The following UVRAG variants were observed in gnomAD, a reference collection of about 807,000 sequenced individuals.
UVRAG encodes UV radiation resistance associated.
In UVRAG, 19 loss-of-function variants were observed where a neutral mutation model predicts 78.0. That is an observed-to-expected ratio of 0.24 (90% CI 0.17 to 0.36). UVRAG has a LOEUF of 0.36. Among genes scored for constraint, UVRAG ranks in the 10% least tolerant of loss-of-function variants. UVRAG has a pLI of 1.00. For missense variants in UVRAG, 740 were observed against 853.8 expected (o/e 0.87, Z 1.66); for synonymous variants, 323 against 324.6 (o/e 1.00, Z 0.05).
At chr11:75,985,092 C>G (rs1949472231) in intron 8 of UVRAG, among the ~76,000 whole-genome samples, 1 of 151,758 alleles carries the variant, frequency 6.6e-6, no homozygotes, top group African/African-American at 2.4e-5. Flanking sequence ...TATGATTGTG[C>G]CAGTTTATCT....
In UVRAG at chr11:76,140,821, A is replaced by C; in HGVS notation, c.1508A>C (p.His503Pro). The C allele has an allele frequency of 2.5e-6, 4 of 1,614,176 alleles. No homozygotes were observed. The East Asian group carries it at 6.7e-5, about 27-fold the overall frequency. ...GGGATCCCTTCACCAGACAAAGGAC[A>C]TCGAAAACGGGCCAGCTCTGAGAAT... ...SGGIPSPDKG[H>P]RKRASSENER... The change falls in exon 15 of 15, where the codon CAT becomes CCT. Residue 503 changes from histidine to proline, a missense_variant. By Grantham distance (77) the His-to-Pro change is moderately conservative (BLOSUM62 -2). Coordinates refer to ENST00000356136, the MANE Select transcript of UVRAG (RefSeq NM_003369.4).
At position 75,898,754 on chromosome 11, in the gene UVRAG, G is replaced by T. The variant is rs553249781; in HGVS notation, c.507+9851G>T. 2.0e-5 allele frequency among the ~76,000 whole-genome samples: 3 copies of T among 152,194 alleles called. No individual in the cohort carries two copies. In the South Asian group the frequency reaches 6.2e-4, roughly 32 times the overall value. ...TCTCCTTTAACTTATAGCGTCTTAG[G>T]GGGGCAAGTAGTAGTATTTTCATTT... On this transcript the variant is annotated intron_variant, in intron 5 of 14. Coordinates refer to ENST00000356136, the MANE Select transcript of UVRAG (RefSeq NM_003369.4).
intron 5 of UVRAG, among the ~76,000 whole-genome samples, chr11:75,892,633 A>G (rs1012315856): frequency 1.3e-5 from 2 of 152,160 alleles, no homozygotes; most frequent in African/African-American, 4.8e-5. Context: ...TATGATCGTA[A>G]TTAGTGGTGT....
chr11:75,860,729 A>G (rs1946399997), intron 2 of UVRAG, among the ~76,000 whole-genome samples: 1 of 152,154 alleles, frequency 6.6e-6, no homozygotes, highest in Non-Finnish European at 1.5e-5. Context: ...TGTATGTAAC[A>G]ATTTGGCAAT....
chr11:75,994,070 G>A (rs1161358519), intron 8 of UVRAG, among the ~76,000 whole-genome samples: 4 of 152,110 alleles, frequency 2.6e-5, no homozygotes, highest in Non-Finnish European at 5.9e-5. Flanking sequence ...CAACATTGAG[G>A]ATCACATTTC....
intron 3 of UVRAG, among the ~76,000 whole-genome samples, chr11:75,867,033 A>G (rs1024275315): frequency 1.3e-5 from 2 of 152,146 alleles, no homozygotes; most frequent in African/African-American, 4.8e-5. Flanking sequence ...GCAATAAAAT[A>G]TTTACTTCCT....
In UVRAG at chr11:76,141,264, G is replaced by A. The variant is rs1413885641; in HGVS notation, c.1951G>A (p.Ala651Thr). 1 of 1,614,246 alleles carries A rather than the reference G, an allele frequency of 6.2e-7. No homozygotes were observed. Among genetic ancestry groups the A allele is most frequent in the Admixed American group, 1.7e-5 (1 of 60,028 alleles). ...TGFASGDQLEAFNCIPVDSAV... is the reference protein window; with the variant it reads ...TGFASGDQLETFNCIPVDSAV... ...TTTCGCCTCAGGTGATCAGCTAGAA[G>A]CATTTAACTGCATCCCAGTGGACAG... Residue 651 changes from alanine to threonine, a missense_variant, in exon 15 of 15, where the codon GCA becomes ACA. By Grantham distance (58) the Ala-to-Thr change is moderately conservative (BLOSUM62 0). Transcript: ENST00000356136.
chr11:75,846,522 G>T (rs548522930), intron 1 of UVRAG, among the ~76,000 whole-genome samples: 7 of 151,644 alleles, frequency 4.6e-5, no homozygotes, highest in Non-Finnish European at 1.0e-4. Context: ...TTATAGTTTT[G>T]CATTTTCACT....
rs757787963 is a variant in UVRAG, at chr11:76,007,521, C to CT, written c.912-10dup. 11 of 1,592,140 alleles carry CT rather than the reference C, an allele frequency of 6.9e-6. No homozygotes were observed. The African/African-American group carries it at 1.5e-4, about 22-fold the overall frequency. On this transcript the variant is annotated splice_polypyrimidine_tract_variant and intron_variant, in intron 9 of 14. Coordinates refer to ENST00000356136, the MANE Select transcript of UVRAG (RefSeq NM_003369.4). The stretch of plus-strand genomic sequence containing the variant: ...ATATTTTTTAATAAATGTATTTTTT[C>CT]TTTCCTCATTAGAGAACTCTTCTTG...
At chr11:76,039,719 A>G (rs1365838323) in intron 12 of UVRAG, among the ~76,000 whole-genome samples, 1 of 152,164 alleles carries the variant, frequency 6.6e-6, no homozygotes, top group African/African-American at 2.4e-5. Context: ...TACTAAAAAC[A>G]CAAAAATTAG....
intron 13 of UVRAG, among the ~76,000 whole-genome samples, chr11:76,072,024 T>C (rs1337601089): frequency 6.6e-6 from 1 of 152,006 alleles, no homozygotes; most frequent in African/African-American, 2.4e-5. Flanking sequence ...GTATAGAAAT[T>C]TGGGACTCAT....
intron 7 of UVRAG, chr11:75,979,778 G>A (rs974176515): frequency 2.0e-5 from 3 of 152,338 alleles, no homozygotes; most frequent in East Asian, 3.9e-4. Context: ...GATTTTCCAG[G>A]TGCCGTCTGT....
intron 2 of UVRAG, among the ~76,000 whole-genome samples, chr11:75,860,260 T>C (rs1946389376): frequency 6.6e-6 from 1 of 152,150 alleles, no homozygotes; most frequent in Non-Finnish European, 1.5e-5. Flanking sequence ...GTTAACAAAG[T>C]TTTGGAAGAA....
chr11:76,115,452 G>T lies in UVRAG; in HGVS notation c.1306-472G>T, dbSNP rs532443371. Among the ~76,000 whole-genome samples, 6 of 152,336 alleles carry T rather than the reference G, an allele frequency of 3.9e-5. No individual in the cohort carries two copies. The South Asian group carries it at 1.2e-3, about 32-fold the overall frequency. On this transcript the variant is annotated intron_variant, in intron 13 of 14. Coordinates refer to ENST00000356136, the MANE Select transcript of UVRAG (RefSeq NM_003369.4). ...GCCAGACACTATTGGAGTCAGAGAT[G>T]AATACAAGATGGTCCTTACCCTTGT...
At chr11:76,082,553 A>AC (rs888521331) in intron 13 of UVRAG, among the ~76,000 whole-genome samples, 22 of 151,396 alleles carry the variant, frequency 1.5e-4, no homozygotes, top group African/African-American at 4.4e-4. Context: ...AAAAAAAAAA[A>AC]AAAAAACATA....
At chr11:75,908,092 CT>C (rs778076000) in intron 5 of UVRAG, among the ~76,000 whole-genome samples, 1 of 152,152 alleles carries the variant, frequency 6.6e-6, no homozygotes, top group Non-Finnish European at 1.5e-5. Context: ...CCCCTATCCC[CT>C]GGTCCCTGCC....
intron 4 of UVRAG, among the ~76,000 whole-genome samples, chr11:75,880,928 C>CTTTTTTTTTTTTTTTTTTT (rs773034018): frequency 3.4e-5 from 3 of 87,710 alleles, no homozygotes; most frequent in Non-Finnish European, 4.6e-5. Flanking sequence ...TTATTTACTT[C>CTTTTTTTTTTTTTTTTTTT]TTTTTTTTTT....
chr11:75,950,844 CTT>C (rs1042657429), intron 6 of UVRAG, among the ~76,000 whole-genome samples: 1 of 151,950 alleles, frequency 6.6e-6, no homozygotes, highest in Non-Finnish European at 1.5e-5. Flanking sequence ...ATTCTTGTAT[CTT>C]ATTTTTTGAA....
chr11:75,821,475 GC>G (rs1945386042), intron 1 of UVRAG, among the ~76,000 whole-genome samples: 1 of 152,104 alleles, frequency 6.6e-6, no homozygotes, highest in South Asian at 2.1e-4. Flanking sequence ...CCCGCAAGTA[GC>G]TGAGACTACA....
Sources: gnomAD v4.1 joint callset for allele counts (sites outside exome capture counted in the v4.1 genomes callset) on GRCh38, gnomAD v4.1.1 for gene constraint, MANE v1.5 for transcripts, NCBI Gene and HGNC (gene_info 2026-07-23, HGNC 2026-07-21) for gene names.